DNAI2: variants seen among roughly 807,000 people sequenced by gnomAD.
DNAI2 encodes dynein, axonemal, intermediate polypeptide 2.
In DNAI2, 63 loss-of-function variants were observed where a neutral mutation model predicts 74.7. The ratio of observed to expected loss-of-function variants is 0.84; its 90% CI spans 0.69 to 1.04. DNAI2 has a LOEUF of 1.04. Ranked by LOEUF, DNAI2 falls within the 50% of genes least tolerant of loss-of-function variation. The probability of loss-of-function intolerance (pLI) is 0.00; values close to 1 mark genes in which losing one functional copy is unlikely to be tolerated. For synonymous variants in DNAI2, 289 were observed against 314.9 expected (o/e 0.92, Z 0.87); for missense variants, 688 against 803.2 (o/e 0.86, Z 1.73).
At chr17:74,286,220 C>T (rs888983122) in intron 3 of DNAI2, among the ~76,000 whole-genome samples, 2 of 150,610 alleles carry the variant, frequency 1.3e-5, no homozygotes, top group Admixed American at 6.6e-5. Context: ...TGCTTGAACC[C>T]GAGAGACGGA....
intron 8 of DNAI2, among the ~76,000 whole-genome samples, chr17:74,303,878 C>T (rs1163845022): frequency 3.3e-5 from 5 of 152,028 alleles, no homozygotes; most frequent in Admixed American, 2.6e-4. Flanking sequence ...GTAATCCCAG[C>T]ACTTTGGGAA....
At chr17:74,314,413 C>A in intron 13 of DNAI2, 142 bp downstream of exon 13, 3 of 1,155,772 alleles carry the variant, frequency 2.6e-6, no homozygotes, top group Non-Finnish European at 3.7e-6. Flanking sequence ...GAGTCCTGAG[C>A]CACCCCTTGG....
intron 9 of DNAI2, among the ~76,000 whole-genome samples, chr17:74,307,890 T>C (rs1228263534): frequency 2.6e-5 from 4 of 151,986 alleles, no homozygotes; most frequent in Non-Finnish European, 5.9e-5. Context: ...CTTCACCTCC[T>C]GGGTTCAAGC....
At position 74,281,882 on chromosome 17, in the gene DNAI2, A is replaced by AC; in HGVS notation, c.67dup (p.Arg23ProfsTer14). 6.2e-7 allele frequency: 1 copy of AC among 1,614,108 alleles called. No individual in the cohort carries two copies. Among genetic ancestry groups the AC allele is most frequent in the Non-Finnish European group, 8.5e-7 (1 of 1,180,030 alleles). ...TTCGGGAAGCAGTGCAATTTCTCGG[A>AC]CCGCCAGGCCGAGCTGAACATCGAC... On this transcript the variant is annotated frameshift_variant, in exon 2 of 14. Coordinates refer to ENST00000311014, the MANE Select transcript of DNAI2 (RefSeq NM_023036.6). LOFTEE classifies it high-confidence loss of function.
chr17:74,289,700 G>A lies in DNAI2; in HGVS notation c.574G>A (p.Val192Met). 6.2e-7 allele frequency: 1 copy of A among 1,614,080 alleles called. No homozygotes were observed. The highest frequency in any genetic ancestry group is 1.1e-5 in the South Asian group (1 of 91,066). Residue 192 changes from valine to methionine, a missense_variant, in exon 5 of 14, where the codon GTG becomes ATG. Coordinates refer to ENST00000311014, the MANE Select transcript of DNAI2 (RefSeq NM_023036.6). ...YSCLDFQRAP[V>M]GMSSDSYIWD... is the part of the protein sequence containing the mutation. ...CTGCTTGGATTTTCAGCGGGCACCT[G>A]TGGGCATGAGCAGCGATTCATACAT... is the stretch of plus-strand genomic sequence containing the variant.
chr17:74,299,570 ACT>A (rs2052636166), intron 6 of DNAI2, 146 bp from the exon 7 acceptor site: 1 of 1,004,636 alleles, frequency 1.0e-6, no homozygotes, highest in East Asian at 2.6e-5. Flanking sequence ...CTGGTAGGAA[ACT>A]CAGGCTGATT....
chr17:74,304,179 C>CTTTTTTTTTTTTTTTTTTTTTTTTTTTTT (rs1274454696), intron 8 of DNAI2, among the ~76,000 whole-genome samples: 1 of 101,940 alleles, frequency 9.8e-6, no homozygotes, highest in Non-Finnish European at 2.1e-5. Flanking sequence ...TTTTCTTTTT[C>CTTTTTTTTTTTTTTTTTTTTTTTTTTTTT]TTTTTTCTTT....
intron 9 of DNAI2, among the ~76,000 whole-genome samples, 163 bp downstream of exon 9, chr17:74,305,605 C>A (rs2053144037): frequency 6.6e-6 from 1 of 151,960 alleles, no homozygotes; most frequent in Non-Finnish European, 1.5e-5. Context: ...TCCAGCCACT[C>A]CACAAAGTGA....
chr17:74,314,107 G>A lies in DNAI2; in HGVS notation c.1723-14G>A, dbSNP rs1567882657. Reference sequence around the variant, plus strand: ...CTACCAACACCAACACTTCTGTGCTGTCTTCCCCTGCAGCAGCAACCAAGT... The same window carrying A: ...CTACCAACACCAACACTTCTGTGCTATCTTCCCCTGCAGCAGCAACCAAGT... On this transcript the variant is annotated splice_polypyrimidine_tract_variant and intron_variant, in intron 12 of 13. Transcript: ENST00000311014. The A allele has an allele frequency of 2.5e-6, 4 of 1,613,664 alleles. No homozygotes were observed. The highest frequency in any genetic ancestry group is 3.4e-6 in the Non-Finnish European group (4 of 1,179,706).
intron 8 of DNAI2, among the ~76,000 whole-genome samples, chr17:74,302,790 G>A (rs946163535): frequency 6.6e-5 from 10 of 152,186 alleles, no homozygotes; most frequent in African/African-American, 1.2e-4. Flanking sequence ...TGTTTGCTTC[G>A]GGGTCATGGG....
At chr17:74,299,530 C>G (rs1038367906) in intron 6 of DNAI2, among the ~76,000 whole-genome samples, 188 bp from the exon 7 acceptor site, 1 of 152,136 alleles carries the variant, frequency 6.6e-6, no homozygotes, top group Non-Finnish European at 1.5e-5. Context: ...AGCTTGCACT[C>G]TGGGAGTCTC....
In DNAI2 at chr17:74,299,861, C is replaced by T. The variant is rs773061334; in HGVS notation, c.864+4C>T. The T allele has an allele frequency of 2.6e-5, 42 of 1,613,222 alleles. 1 individual carries two copies. The Admixed American group carries it at 6.7e-4, about 26-fold the overall frequency. The stretch of plus-strand genomic sequence containing the variant: ...CTCAGCTTCCACGGATGGGCAGGTA[C>T]CCACCAGCCAGACACTGGAGAGAGG... On this transcript the variant is annotated splice_donor_region_variant and intron_variant, in intron 7 of 13. Coordinates refer to ENST00000311014, the MANE Select transcript of DNAI2 (RefSeq NM_023036.6).
chr17:74,282,394 G>C (rs2143879360), intron 2 of DNAI2, among the ~76,000 whole-genome samples: 1 of 152,158 alleles, frequency 6.6e-6, no homozygotes, highest in Non-Finnish European at 1.5e-5. Context: ...TTCGTTTCCT[G>C]AATTCAATAG....
intron 1 of DNAI2, among the ~76,000 whole-genome samples, chr17:74,276,744 T>C (rs1275578914): frequency 6.6e-6 from 1 of 152,214 alleles, no homozygotes; most frequent in African/African-American, 2.4e-5. Flanking sequence ...AAATCTGATC[T>C]GGGCTAAAGA....
chr17:74,312,295 GC>G, intron 12 of DNAI2, 65 bp downstream of exon 12: 1 of 571,122 alleles, frequency 1.8e-6, no homozygotes, highest in South Asian at 1.5e-5. Flanking sequence ...CTTGGGTTCT[GC>G]TTCTGCTTGC....
chr17:74,309,448 G>A, intron 10 of DNAI2, 60 bp downstream of exon 10: 1 of 1,611,250 alleles, frequency 6.2e-7, no homozygotes, highest in Non-Finnish European at 8.5e-7. Flanking sequence ...CCCGGCGTGG[G>A]TGTGAGTGTG....
At chr17:74,278,110 C>T (rs1265464095) in intron 1 of DNAI2, among the ~76,000 whole-genome samples, 1 of 152,148 alleles carries the variant, frequency 6.6e-6, no homozygotes, top group Non-Finnish European at 1.5e-5. Flanking sequence ...ACCTTTGGCC[C>T]TGTATTAATA....
intron 1 of DNAI2, among the ~76,000 whole-genome samples, chr17:74,277,844 G>C (rs1467561249): frequency 6.6e-6 from 1 of 152,254 alleles, no homozygotes; most frequent in African/African-American, 2.4e-5. Flanking sequence ...CCAGGTTTCA[G>C]AAACGCTGGT....
At chr17:74,312,538 T>C (rs1207909982) in intron 12 of DNAI2, among the ~76,000 whole-genome samples, 1 of 151,984 alleles carries the variant, frequency 6.6e-6, no homozygotes, top group Non-Finnish European at 1.5e-5. Context: ...GGAACATGTG[T>C]GTTGAGTGAC....
Sources: gnomAD v4.1 joint callset for allele counts (sites outside exome capture counted in the v4.1 genomes callset) on GRCh38, gnomAD v4.1.1 for gene constraint, MANE v1.5 for transcripts, NCBI Gene and HGNC (gene_info 2026-07-23, HGNC 2026-07-21) for gene names.